Variants in KCNH1 observed in about 807,000 individuals in gnomAD.
KCNH1 encodes the protein voltage-gated delayed rectifier potassium channel KCNH1.
In KCNH1, 27 loss-of-function variants were observed where a neutral mutation model predicts 69.2. The ratio of observed to expected loss-of-function variants is 0.39; its 90% CI spans 0.29 to 0.54. The LOEUF (loss-of-function observed/expected upper bound fraction) is 0.54, where lower values mean the gene tolerates loss of function less well. Among genes scored for constraint, KCNH1 ranks in the 20% least tolerant of loss-of-function variants. The pLI, the probability that KCNH1 is intolerant of heterozygous loss-of-function variation, is 0.68. For missense variants in KCNH1, 798 were observed against 1,261.6 expected, an observed-to-expected ratio of 0.63 and a Z score of 5.57; for synonymous variants, 456 against 487.7, an observed-to-expected ratio of 0.93 and a Z score of 0.86.
intron 5 of KCNH1, among the ~76,000 whole-genome samples, chr1:211,055,288 T>C (rs1189783445): frequency 6.6e-6 from 1 of 152,164 alleles, no homozygotes; most frequent in Non-Finnish European, 1.5e-5. Flanking sequence ...GGACTTTGCA[T>C]TGGAACACAG....
chr1:210,809,094 T>C (rs1356462254), intron 7 of KCNH1, among the ~76,000 whole-genome samples: 1 of 148,830 alleles, frequency 6.7e-6, no homozygotes, highest in Admixed American at 6.8e-5. Flanking sequence ...CAGCGATTCC[T>C]ACCCAGAAAG....
At position 210,860,420 on chromosome 1, in the gene KCNH1, C is replaced by A. The variant is rs1302539628; in HGVS notation, c.1463-56254G>T. On this transcript the variant is annotated intron_variant, in intron 7 of 10. Coordinates refer to ENST00000271751, the MANE Select transcript of KCNH1 (RefSeq NM_172362.3). ...GTTATCTCTTTATGATCTTCAACTA[C>A]ACTAAGAAGTGTGTCAATTGTATTC... The A allele has an allele frequency of 4.9e-6, 5 of 1,025,228 alleles. No individual in the cohort carries two copies. The African/African-American group carries it at 6.3e-5, about 13-fold the overall frequency. The allele number at this position is 1,025,228 out of a possible 1,614,324, so 63.5% of individuals were successfully genotyped here.
chr1:210,962,118 G>T (rs923389843), intron 6 of KCNH1, among the ~76,000 whole-genome samples: 7 of 152,110 alleles, frequency 4.6e-5, no homozygotes, highest in Non-Finnish European at 7.4e-5. Context: ...TCTTCTCTCT[G>T]GTGCTACACT....
intron 5 of KCNH1, among the ~76,000 whole-genome samples, chr1:211,075,490 C>T (rs1392883520): frequency 6.6e-6 from 1 of 152,212 alleles, no homozygotes; most frequent in African/African-American, 2.4e-5. Flanking sequence ...CAGCCATCTA[C>T]AGGCAATGGG....
chr1:211,050,259 T>TGAAAAAA, intron 5 of KCNH1, among the ~76,000 whole-genome samples: 1 of 33,010 alleles, frequency 3.0e-5, no homozygotes, highest in Non-Finnish European at 5.2e-5. Context: ...CCACACATTC[T>TGAAAAAA]TAAAAAAAAA....
At chr1:210,759,218 G>T (rs1198835201) in intron 10 of KCNH1, among the ~76,000 whole-genome samples, 1 of 148,024 alleles carries the variant, frequency 6.8e-6, no homozygotes, top group African/African-American at 2.6e-5. Flanking sequence ...GCTCTCTCAG[G>T]TGAGAGGGAA....
intron 7 of KCNH1, among the ~76,000 whole-genome samples, chr1:210,890,222 G>C (rs570243728): frequency 6.6e-6 from 1 of 152,100 alleles, no homozygotes; most frequent in Non-Finnish European, 1.5e-5. Flanking sequence ...CAGAACAGAG[G>C]CCTCAGAAAT....
chr1:211,012,584 A>C (rs1689413601), intron 6 of KCNH1, among the ~76,000 whole-genome samples: 1 of 152,192 alleles, frequency 6.6e-6, no homozygotes, highest in South Asian at 2.1e-4. Context: ...CTGAAAATGC[A>C]AAACTATAAA....
At chr1:210,971,936 A>T (rs1003698337) in intron 6 of KCNH1, among the ~76,000 whole-genome samples, 8 of 152,128 alleles carry the variant, frequency 5.3e-5, no homozygotes, top group Non-Finnish European at 8.8e-5. Context: ...TATGTCTTTA[A>T]CAAATACATG....
chr1:210,749,185 A>C (rs1220464616), intron 10 of KCNH1, among the ~76,000 whole-genome samples: 1 of 152,166 alleles, frequency 6.6e-6, no homozygotes, highest in Non-Finnish European at 1.5e-5. Flanking sequence ...AATCCTAATA[A>C]GAAAGTTCTT....
chr1:210,854,365 G>A (rs1685782898), intron 7 of KCNH1, among the ~76,000 whole-genome samples: 1 of 152,178 alleles, frequency 6.6e-6, no homozygotes. Context: ...GCTAGTCCAA[G>A]AAAAGGGATG....
At chr1:211,030,024 A>T (rs925387271) in intron 5 of KCNH1, among the ~76,000 whole-genome samples, 9 of 152,232 alleles carry the variant, frequency 5.9e-5, no homozygotes, top group Non-Finnish European at 1.2e-4. Flanking sequence ...AAAGAAATGG[A>T]GAGACATACC....
At chr1:211,022,697 T>C (rs1225405302) in intron 5 of KCNH1, among the ~76,000 whole-genome samples, 2 of 151,962 alleles carry the variant, frequency 1.3e-5, no homozygotes, top group Non-Finnish European at 1.5e-5. Flanking sequence ...TACATACAAA[T>C]AAATGGCTAA....
At chr1:210,998,775 C>A (rs1192488107) in intron 6 of KCNH1, among the ~76,000 whole-genome samples, 1 of 152,200 alleles carries the variant, frequency 6.6e-6, no homozygotes, top group Non-Finnish European at 1.5e-5. Flanking sequence ...AAGCACTCCT[C>A]AGCAAATGTA....
chr1:210,877,546 C>A (rs1159369919), intron 7 of KCNH1, among the ~76,000 whole-genome samples: 1 of 152,124 alleles, frequency 6.6e-6, no homozygotes, highest in East Asian at 1.9e-4. Context: ...AATGATGGGA[C>A]CCTCATCACT....
intron 7 of KCNH1, among the ~76,000 whole-genome samples, chr1:210,851,487 A>C (rs1685701731): frequency 6.6e-6 from 1 of 152,242 alleles, no homozygotes; most frequent in Non-Finnish European, 1.5e-5. Flanking sequence ...TAACTTTGAG[A>C]GTCACATTAC....
At chr1:210,802,648 T>C (rs939312104) in intron 8 of KCNH1, among the ~76,000 whole-genome samples, 2 of 152,200 alleles carry the variant, frequency 1.3e-5, no homozygotes, top group African/African-American at 4.8e-5. Context: ...CATTACTCTA[T>C]TGAAATGCAC....
intron 6 of KCNH1, among the ~76,000 whole-genome samples, chr1:210,959,850 C>G (rs573117789): frequency 3.3e-5 from 5 of 152,194 alleles, no homozygotes; most frequent in African/African-American, 7.2e-5. Context: ...ATCCCCCGAC[C>G]CTTTGCACTT....
Position 210,774,922 on chromosome 1 carries a change from C to T in KCNH1, c.2112+426G>A, listed in dbSNP as rs112513875. Among the ~76,000 whole-genome samples the T allele has an allele frequency of 1.7e-3, 264 of 152,326 alleles. 3 individuals are homozygous for T. Among genetic ancestry groups the T allele is most frequent in the African/African-American group, 6.0e-3 (250 of 41,574 alleles). On this transcript the variant is annotated intron_variant, in intron 10 of 10. Coordinates refer to ENST00000271751, the MANE Select transcript of KCNH1 (RefSeq NM_172362.3). Reference sequence around the variant, plus strand: ...CATATCTGTTAAAAAATTACCATTACTAGCTGGCAGGCTAATGGCTTCATA... The same window carrying T: ...CATATCTGTTAAAAAATTACCATTATTAGCTGGCAGGCTAATGGCTTCATA...
Sources: allele counts gnomAD v4.1 joint callset (sites outside exome capture counted in the v4.1 genomes callset), GRCh38; gene constraint gnomAD v4.1.1; transcripts MANE v1.5; gene names NCBI Gene and HGNC (gene_info 2026-07-23, HGNC 2026-07-21).